The following KCNE1 variants were observed in gnomAD, a reference collection of about 807,000 sequenced individuals.
KCNE1 encodes potassium voltage-gated channel subfamily E regulatory subunit 1, also known as potassium voltage-gated channel subfamily E member 1.
A neutral mutation model predicts 2.9 loss-of-function variants in KCNE1; 1 was observed. That is an observed-to-expected ratio of 0.34 (90% CI 0.12 to 1.62). The LOEUF (loss-of-function observed/expected upper bound fraction) is 1.62, where lower values mean the gene tolerates loss of function less well. Among genes scored for constraint, KCNE1 ranks in the 40% most tolerant of loss-of-function variants. The pLI is 0.36. For missense variants in KCNE1, 45 were observed against 150.5 expected (o/e 0.30, Z 3.67); for synonymous variants, 23 against 65.4 (o/e 0.35, Z 3.13).
At chr21:34,504,476 G>A (rs1252924910) in intron 2 of KCNE1, among the ~76,000 whole-genome samples, 1 of 152,204 alleles carries the variant, frequency 6.6e-6, no homozygotes, top group Non-Finnish European at 1.5e-5. Context: ...TGGTGGCAAT[G>A]TAAAACGGTA....
chr21:34,504,142 G>A (rs1318096751), intron 2 of KCNE1, among the ~76,000 whole-genome samples: 1 of 152,242 alleles, frequency 6.6e-6, no homozygotes, highest in East Asian at 1.9e-4. Flanking sequence ...AGGGCCTTCG[G>A]AGGAAAGGAC....
chr21:34,506,830 T>C (rs762152197), intron 2 of KCNE1, among the ~76,000 whole-genome samples: 35 of 152,042 alleles, frequency 2.3e-4, no homozygotes, highest in Non-Finnish European at 3.7e-4. Flanking sequence ...AGCAGAGACA[T>C]GTAGTTCTGC....
chr21:34,500,182 AACAT>A (rs1402702045), intron 2 of KCNE1, among the ~76,000 whole-genome samples: 1 of 152,232 alleles, frequency 6.6e-6, no homozygotes, highest in African/African-American at 2.4e-5. Flanking sequence ...ATGTTTGTAT[AACAT>A]ACATATATAT....
intron 2 of KCNE1, among the ~76,000 whole-genome samples, chr21:34,500,410 C>CT (rs1425955122): frequency 2.0e-5 from 3 of 152,288 alleles, no homozygotes; most frequent in African/African-American, 7.2e-5. Context: ...TAAAATGATT[C>CT]TTTTTGCCAT....
rs539120559 is a variant in KCNE1, at chr21:34,498,264, G to A, written c.-162+12837C>T. 3.9e-5 allele frequency among the ~76,000 whole-genome samples: 6 copies of A among 152,258 alleles called. No individual in the cohort carries two copies. The Middle Eastern group carries it at 0.017, about 432-fold the overall frequency. ...CAGGGGTGTTATAGAACCTTGTTTT[G>A]TCATATTACCAGAATTAATTTTCAG... On this transcript the variant is annotated intron_variant, in intron 2 of 3. Coordinates refer to ENST00000399286, the MANE Select transcript of KCNE1 (RefSeq NM_000219.6).
chr21:34,508,937 T>C (rs975137833), intron 2 of KCNE1, among the ~76,000 whole-genome samples: 2 of 152,236 alleles, frequency 1.3e-5, no homozygotes, highest in African/African-American at 4.8e-5. Flanking sequence ...AATTATCCAG[T>C]GTGATAACAA....
At chr21:34,498,356 C>T (rs1982933826) in intron 2 of KCNE1, among the ~76,000 whole-genome samples, 2 of 152,236 alleles carry the variant, frequency 1.3e-5, no homozygotes. Context: ...ATCTGGAACT[C>T]AAGGGCTGCT....
chr21:34,505,219 C>T (rs1163539980), intron 2 of KCNE1, among the ~76,000 whole-genome samples: 4 of 152,048 alleles, frequency 2.6e-5, no homozygotes, highest in African/African-American at 7.2e-5. Flanking sequence ...CTGCAACCTC[C>T]GCCTCCTGGG....
chr21:34,451,451 G>A (rs73363372), intron 3 of KCNE1, among the ~76,000 whole-genome samples: 2,955 of 81,774 alleles, frequency 0.036, 1,222 homozygotes, highest in African/African-American at 0.17. Flanking sequence ...GGCCAGAATC[G>A]CTATGGAAAG....
intron 2 of KCNE1, among the ~76,000 whole-genome samples, chr21:34,508,283 T>C (rs1308057246): frequency 3.3e-5 from 5 of 151,948 alleles, no homozygotes; most frequent in African/African-American, 4.8e-5. Flanking sequence ...CCGCCTCGGC[T>C]TTCCAAAGTG....
Position 34,503,506 on chromosome 21 carries a change from C to T in KCNE1, c.-162+7595G>A, listed in dbSNP as rs116809235. On this transcript the variant is annotated intron_variant, in intron 2 of 3. Transcript: ENST00000399286. ...CATGGGCCATTGGTGATCAGCTTAA[C>T]TTTCAGCCTCTCTCCCCACCCTGGA... 7.0e-3 allele frequency among the ~76,000 whole-genome samples: 1,069 copies of T among 152,294 alleles called. 9 individuals carry two copies. The highest frequency in any genetic ancestry group is 0.024 in the African/African-American group (993 of 41,574).
At chr21:34,498,805 T>C (rs1453129387) in intron 2 of KCNE1, among the ~76,000 whole-genome samples, 22 of 152,202 alleles carry the variant, frequency 1.4e-4, no homozygotes, top group Admixed American at 1.4e-3. Flanking sequence ...TCATGAGTTG[T>C]TGTAATGTCC....
intron 2 of KCNE1, among the ~76,000 whole-genome samples, chr21:34,508,310 G>T (rs1273447608): frequency 1.3e-5 from 2 of 151,920 alleles, no homozygotes; most frequent in African/African-American, 4.8e-5. Context: ...TTATAGGCGT[G>T]AGCCACTGCA....
At chr21:34,503,637 A>G (rs558879322) in intron 2 of KCNE1, among the ~76,000 whole-genome samples, 1 of 152,330 alleles carries the variant, frequency 6.6e-6, no homozygotes, top group South Asian at 2.1e-4. Flanking sequence ...CCCATTACTC[A>G]TTAGCATACA....
intron 2 of KCNE1, among the ~76,000 whole-genome samples, chr21:34,506,443 G>A (rs905312727): frequency 2.0e-5 from 3 of 152,148 alleles, no homozygotes; most frequent in African/African-American, 7.2e-5. Flanking sequence ...GTTTCCATAT[G>A]TGAACACATT....
chr21:34,496,240 A>T (rs1459209100), intron 2 of KCNE1, among the ~76,000 whole-genome samples: 3 of 151,634 alleles, frequency 2.0e-5, no homozygotes, highest in Non-Finnish European at 2.9e-5. Context: ...CTCCCGTCTA[A>T]TTTTTTCTAT....
At chr21:34,499,882 C>T (rs1446217456) in intron 2 of KCNE1, among the ~76,000 whole-genome samples, 2 of 152,296 alleles carry the variant, frequency 1.3e-5, no homozygotes, top group Middle Eastern at 3.4e-3. Flanking sequence ...AAAGTTCATG[C>T]TTTGTGTCTC....
intron 2 of KCNE1, among the ~76,000 whole-genome samples, chr21:34,508,662 C>G (rs1189038958): frequency 6.6e-6 from 1 of 152,128 alleles, no homozygotes; most frequent in Non-Finnish European, 1.5e-5. Context: ...TTAATTTTCA[C>G]TATTATTTTT....
intron 2 of KCNE1, among the ~76,000 whole-genome samples, chr21:34,497,975 G>A (rs1982916633): frequency 1.3e-5 from 2 of 151,356 alleles, no homozygotes; most frequent in African/African-American, 4.9e-5. Flanking sequence ...CTAATCTATT[G>A]TTGACACTTT....
Sources: allele counts gnomAD v4.1 joint callset (sites outside exome capture counted in the v4.1 genomes callset), GRCh38; gene constraint gnomAD v4.1.1; transcripts MANE v1.5; gene names NCBI Gene and HGNC (gene_info 2026-07-23, HGNC 2026-07-21).